Variants in RARB observed in about 807,000 individuals in gnomAD.
RARB encodes the protein HBV-activated protein.
RARB carries 17 observed loss-of-function variants against 51.9 expected under a neutral mutation model. The ratio of observed to expected loss-of-function variants is 0.33; its 90% CI spans 0.22 to 0.49. The LOEUF (loss-of-function observed/expected upper bound fraction) is 0.49. Ranked by LOEUF, RARB falls within the 20% of genes least tolerant of loss-of-function variation. RARB has a pLI of 0.99. For missense variants in RARB, 369 were observed against 550.8 expected (o/e 0.67, Z 3.30); for synonymous variants, 215 against 195.4 (o/e 1.10, Z -0.84).
Position 25,328,965 on chromosome 3 carries a change from G to A in RARB, c.179-132228G>A, listed in dbSNP as rs565884936. Among the ~76,000 whole-genome samples, 358 of 152,334 alleles carry A rather than the reference G, an allele frequency of 2.4e-3. 2 individuals carry two copies. The highest frequency in any genetic ancestry group is 8.0e-3 in the African/African-American group (334 of 41,570). On this transcript the variant is annotated intron_variant, in intron 5 of 11. Transcript: ENST00000383772. Reference sequence around the variant, plus strand: ...TGAGATCGAACTGCAAGGTGGCAGCGAGGCTAGGGGAGGGGCGTCCACCAT... The same window carrying A: ...TGAGATCGAACTGCAAGGTGGCAGCAAGGCTAGGGGAGGGGCGTCCACCAT...
intron 3 of RARB, among the ~76,000 whole-genome samples, chr3:25,552,602 C>T (rs1404991072): frequency 1.3e-5 from 2 of 152,168 alleles, no homozygotes; most frequent in African/African-American, 4.8e-5. Flanking sequence ...ATCTCTTAGT[C>T]TGGTTTCCTC....
At chr3:24,872,891 T>C (rs944280415) in intron 2 of RARB, among the ~76,000 whole-genome samples, 2 of 152,210 alleles carry the variant, frequency 1.3e-5, no homozygotes, top group African/African-American at 4.8e-5. Flanking sequence ...TCCCTGCGCG[T>C]TGACTCTCAC....
intron 3 of RARB, among the ~76,000 whole-genome samples, chr3:25,117,928 G>C (rs949032999): frequency 2.0e-5 from 3 of 152,164 alleles, no homozygotes; most frequent in Non-Finnish European, 4.4e-5. Context: ...AGTTACAATT[G>C]AAGGGTGAAA....
intron 2 of RARB, among the ~76,000 whole-genome samples, chr3:24,937,346 A>C (rs1695567319): frequency 6.6e-6 from 1 of 152,060 alleles, no homozygotes; most frequent in Non-Finnish European, 1.5e-5. Flanking sequence ...CCATCAACAC[A>C]CCCAGTTCTC....
At chr3:25,029,147 G>C (rs1697816541) in intron 2 of RARB, among the ~76,000 whole-genome samples, 1 of 152,170 alleles carries the variant, frequency 6.6e-6, no homozygotes, top group Non-Finnish European at 1.5e-5. Flanking sequence ...AGATGGCATT[G>C]GTTTGGGTAC....
intron 4 of RARB, among the ~76,000 whole-genome samples, chr3:25,163,504 A>AAAAAAAAAAAAATATATATAT (rs1303712411): frequency 7.6e-6 from 1 of 131,092 alleles, no homozygotes; most frequent in African/African-American, 3.2e-5. Flanking sequence ...CCTATCTCAA[A>AAAAAAAAAAAAATATATATAT]ATATATATAT....
At chr3:25,453,062 A>G (rs1005875137) in intron 1 of RARB, among the ~76,000 whole-genome samples, 1 of 152,188 alleles carries the variant, frequency 6.6e-6, no homozygotes, top group Non-Finnish European at 1.5e-5. Context: ...GCAAAGGGCA[A>G]GTTGACAGAG....
At chr3:25,438,389 A>G (rs1008395318) in intron 1 of RARB, among the ~76,000 whole-genome samples, 1 of 152,212 alleles carries the variant, frequency 6.6e-6, no homozygotes, top group Non-Finnish European at 1.5e-5. Context: ...CACCATAACA[A>G]TCGTAGCGTA....
chr3:25,050,022 TAGAA>T (rs1698294583), intron 2 of RARB, among the ~76,000 whole-genome samples: 1 of 152,098 alleles, frequency 6.6e-6, no homozygotes, highest in Non-Finnish European at 1.5e-5. Context: ...AAAAGTTTAA[TAGAA>T]GGAAAGGGTA....
intron 5 of RARB, among the ~76,000 whole-genome samples, chr3:25,196,477 A>G (rs1333191451): frequency 2.0e-5 from 3 of 152,120 alleles, no homozygotes. Flanking sequence ...TCATTGATGG[A>G]CATTTGGGTT....
At chr3:24,889,167 T>G (rs1359657230) in intron 2 of RARB, among the ~76,000 whole-genome samples, 1 of 152,222 alleles carries the variant, frequency 6.6e-6, no homozygotes, top group Non-Finnish European at 1.5e-5. Flanking sequence ...ATGCCATCTC[T>G]TTTCCTTTGT....
chr3:25,175,756 T>C (rs1157066042), intron 5 of RARB, among the ~76,000 whole-genome samples: 2 of 152,204 alleles, frequency 1.3e-5, no homozygotes, highest in African/African-American at 4.8e-5. Context: ...CTGATGAGTC[T>C]TTCCTTCTGT....
chr3:25,257,048 T>A (rs1702883637), intron 5 of RARB, among the ~76,000 whole-genome samples: 1 of 152,130 alleles, frequency 6.6e-6, no homozygotes, highest in Non-Finnish European at 1.5e-5. Flanking sequence ...AAGGGAAATG[T>A]AAGCTCATCA....
chr3:25,500,229 A>C (rs561957218), intron 2 of RARB, among the ~76,000 whole-genome samples: 1 of 152,268 alleles, frequency 6.6e-6, no homozygotes, highest in African/African-American at 2.4e-5. Context: ...ATTTTGATTT[A>C]AGTAGCCTCA....
intron 5 of RARB, among the ~76,000 whole-genome samples, chr3:25,323,152 C>G (rs187879625): frequency 3.8e-4 from 55 of 143,646 alleles, no homozygotes; most frequent in Non-Finnish European, 6.2e-4. Context: ...AACATGGAGG[C>G]TCAAGGCAAA....
chr3:25,584,632 G>A (rs1212331340), intron 5 of RARB, among the ~76,000 whole-genome samples: 4 of 152,130 alleles, frequency 2.6e-5, no homozygotes, highest in Admixed American at 6.5e-5. Flanking sequence ...GTGAGCCAGC[G>A]GGGGCGAGAC....
chr3:25,483,929 G>A (rs998290346), intron 2 of RARB, among the ~76,000 whole-genome samples: 4 of 152,148 alleles, frequency 2.6e-5, no homozygotes, highest in Non-Finnish European at 5.9e-5. Context: ...TATTTGCAGC[G>A]TAATTTGCTT....
At chr3:25,069,347 C>CT (rs1236620258) in intron 3 of RARB, among the ~76,000 whole-genome samples, 7 of 152,308 alleles carry the variant, frequency 4.6e-5, no homozygotes, top group Non-Finnish European at 1.0e-4. Flanking sequence ...GCTTTCCCTC[C>CT]TATCACTCAG....
At chr3:25,399,911 C>T (rs1418622794) in intron 5 of RARB, among the ~76,000 whole-genome samples, 24 of 152,054 alleles carry the variant, frequency 1.6e-4, no homozygotes, top group Admixed American at 1.6e-3. Context: ...GAGAAGTGAG[C>T]CTTATGGTTA....
Sources: gnomAD v4.1 joint callset for allele counts (sites outside exome capture counted in the v4.1 genomes callset) on GRCh38, gnomAD v4.1.1 for gene constraint, MANE v1.5 for transcripts, NCBI Gene and HGNC (gene_info 2026-07-23, HGNC 2026-07-21) for gene names.